Variants in MRPL21 observed in about 807,000 individuals in gnomAD.
The protein encoded by MRPL21 is mitochondrial ribosomal protein L21.
Under a neutral mutation model 27.3 loss-of-function variants are expected in MRPL21, and 20 were observed. The observed-to-expected ratio is 0.73, with a 90% CI of 0.52 to 1.06. The LOEUF is 1.06. MRPL21 is among the 50% of genes least tolerant of loss of function. The pLI, the probability that MRPL21 is intolerant of heterozygous loss-of-function variation, is 0.00. For synonymous variants in MRPL21, 98 were observed against 101.5 expected (o/e 0.97, Z 0.21); for missense variants, 249 against 251.4 (o/e 0.99, Z 0.06).
At chr11:68,896,758 G>A (rs114582339) in intron 3 of MRPL21, 80 bp from the exon 4 acceptor site, 2 of 1,573,788 alleles carry the variant, frequency 1.3e-6, no homozygotes, top group Non-Finnish European at 8.7e-7. Flanking sequence ...AGCTCCTGGT[G>A]GTGGGGCCCT....
rs192052269 is a variant in MRPL21 at position 68,897,554 on chromosome 11, G to A, written c.232+373C>T. On this transcript the variant is annotated intron_variant, in intron 3 of 6. Transcript: ENST00000362034. Reference sequence around the variant, plus strand: ...TGACACGGGCTCCAGGTCGACATGAGTCCTGATACCTCTGCATGTTTCTCC... The same window carrying A: ...TGACACGGGCTCCAGGTCGACATGAATCCTGATACCTCTGCATGTTTCTCC... 1.4e-4 allele frequency: 35 copies of A among 255,182 alleles called. No individual in the cohort carries two copies. The East Asian group carries it at 2.8e-3, about 20-fold the overall frequency. 15.8% of individuals were successfully genotyped at this position (255,182 alleles called of 1,614,324 possible).
Position 68,897,984 on chromosome 11 carries a change from G to A in MRPL21, c.175C>T (p.Pro59Ser), listed in dbSNP as rs769601533. 3.7e-5 allele frequency: 60 copies of A among 1,614,074 alleles called. No individual in the cohort carries two copies. Among genetic ancestry groups the A allele is most frequent in the Non-Finnish European group, 4.2e-5 (50 of 1,180,022 alleles). Residue 59 changes from proline (P) to serine (S), a missense_variant, in exon 3 of 7, where the codon CCA becomes TCA. By Grantham distance (74) the Pro-to-Ser change is moderately conservative. Transcript: ENST00000362034. ...GYVPKTSLSS[P>S]PWPEVVLPDP... ...GGCAGAACAACTTCTGGCCAAGGTG[G>A]TGAACTCAGGGATGTTTTAGGAACA...
At chr11:68,900,636 C>A (rs763356692) in intron 1 of MRPL21, 31 bp from the exon 2 acceptor site, 1 of 1,576,946 alleles carries the variant, frequency 6.3e-7, no homozygotes, top group South Asian at 1.1e-5. Flanking sequence ...CAGATCATTA[C>A]CATTAATACT....
intron 3 of MRPL21, chr11:68,897,598 G>C (rs1486842925): frequency 3.0e-6 from 1 of 333,256 alleles, no homozygotes. Flanking sequence ...GGGTGGCACC[G>C]GCTTCCAGTA....
chr11:68,899,401 G>A (rs145106179), intron 2 of MRPL21, among the ~76,000 whole-genome samples: 8 of 152,304 alleles, frequency 5.3e-5, no homozygotes, highest in East Asian at 3.9e-4. Context: ...AGGCCCACCC[G>A]TCCTGTTGGC....
chr11:68,898,134 C>T (rs897762837), intron 2 of MRPL21, 122 bp from the exon 3 acceptor site: 29 of 789,312 alleles, frequency 3.7e-5, no homozygotes, highest in East Asian at 3.2e-4. Context: ...CTCGCTCTTT[C>T]GGACAGGCCC....
chr11:68,903,458 T>A (rs1247590909), intron 1 of MRPL21, among the ~76,000 whole-genome samples: 1 of 152,226 alleles, frequency 6.6e-6, no homozygotes, highest in Non-Finnish European at 1.5e-5. Flanking sequence ...CTGGGCACGT[T>A]ACCTAGCTCC....
chr11:68,892,758 G>A lies in MRPL21; in HGVS notation c.553+132C>T. The A allele has an allele frequency of 1.9e-6, 3 of 1,540,692 alleles. No homozygotes were observed. In the South Asian group the frequency reaches 3.6e-5, roughly 18 times the overall value. On this transcript the variant is annotated intron_variant, in intron 6 of 6. Coordinates refer to ENST00000362034, the MANE Select transcript of MRPL21 (RefSeq NM_181514.2). ...CCCTCTAGGATGAGGGTGGCAAGTG[G>A]GCAGTGGCAGCCAGGTTGAGACCTG...
Position 68,892,919 on chromosome 11 carries a change from C to G in MRPL21, c.524G>C (p.Arg175Thr). 6.2e-7 allele frequency: 1 copy of G among 1,613,554 alleles called. No individual in the cohort carries two copies. The highest frequency in any genetic ancestry group is 1.3e-5 in the African/African-American group (1 of 75,054). ...ESWPRIIMRFRKRKNFKKKRI... is the reference protein window; with the variant it reads ...ESWPRIIMRFTKRKNFKKKRI... ...TTTCTTCTTGAAGTTTTTCCTTTTC[C>G]TGAATCTCATAATGATTCTTGGCCA... Residue 175 changes from arginine to threonine, a missense_variant, in exon 6 of 7, where the codon AGG becomes ACG. Transcript: ENST00000362034.
rs577221033 is a variant in MRPL21 at position 68,897,298 on chromosome 11, G to A, written c.233-620C>T. ...AGCATTTAATGGGCACCGACCCCCCGGCCTGACCGAGGGCGAGACACACAG... is the reference window on the plus strand; with the variant it reads ...AGCATTTAATGGGCACCGACCCCCCAGCCTGACCGAGGGCGAGACACACAG... On this transcript the variant is annotated intron_variant, in intron 3 of 6. Transcript: ENST00000362034. 2.2e-3 allele frequency among the ~76,000 whole-genome samples: 337 copies of A among 152,234 alleles called. 2 individuals are homozygous for A. The highest frequency in any genetic ancestry group is 7.7e-3 in the African/African-American group (318 of 41,542).
intron 5 of MRPL21, among the ~76,000 whole-genome samples, 176 bp from the exon 6 acceptor site, chr11:68,893,169 A>C (rs1160616440): frequency 1.3e-5 from 2 of 152,256 alleles, no homozygotes; most frequent in African/African-American, 4.8e-5. Flanking sequence ...AGTTCCAGGG[A>C]GTCTGAACAA....
intron 6 of MRPL21, chr11:68,891,939 G>A: frequency 1.0e-5 from 6 of 598,174 alleles, no homozygotes; most frequent in Non-Finnish European, 1.6e-5. Flanking sequence ...CCCACTATGG[G>A]GGATGTCCTC....
chr11:68,895,606 C>T (rs576011186), intron 4 of MRPL21, among the ~76,000 whole-genome samples: 13 of 152,152 alleles, frequency 8.5e-5, no homozygotes, highest in South Asian at 4.2e-4. Flanking sequence ...GCCAAGACTG[C>T]GCCATTGCAC....
In MRPL21 at chr11:68,892,783, G is replaced by A. The variant is rs759867573; in HGVS notation, c.553+107C>T. On this transcript the variant is annotated intron_variant, in intron 6 of 6. Coordinates refer to ENST00000362034, the MANE Select transcript of MRPL21 (RefSeq NM_181514.2). ...GGCAGTGGCAGCCAGGTTGAGACCT[G>A]CCTGGGCTTCCTGTCCCGAGACCCA... The A allele has an allele frequency of 1.7e-5, 27 of 1,547,998 alleles. No individual in the cohort carries two copies. In the Admixed American group the frequency reaches 4.9e-4, roughly 28 times the overall value.
At chr11:68,898,671 C>T (rs563511557) in intron 2 of MRPL21, among the ~76,000 whole-genome samples, 2 of 152,214 alleles carry the variant, frequency 1.3e-5, no homozygotes, top group African/African-American at 2.4e-5. Flanking sequence ...TGTTCACAGC[C>T]GGTCCCAGCA....
At chr11:68,902,799 T>C (rs948921559) in intron 1 of MRPL21, among the ~76,000 whole-genome samples, 4 of 152,160 alleles carry the variant, frequency 2.6e-5, no homozygotes, top group Non-Finnish European at 5.9e-5. Context: ...GCTCCACCTA[T>C]TTATCCTTTT....
intron 6 of MRPL21, chr11:68,891,944 G>A (rs1857655680): frequency 3.3e-6 from 2 of 614,164 alleles, no homozygotes; most frequent in Non-Finnish European, 2.5e-6. Flanking sequence ...TATGGGGGAT[G>A]TCCTCAGTGC....
chr11:68,895,321 T>C lies in MRPL21; in HGVS notation c.396+1194A>G, dbSNP rs548127122. On this transcript the variant is annotated intron_variant, in intron 4 of 6. Transcript: ENST00000362034. ...AAATCAAATAGACGCCCCCAGCAAATAGAATCATAGCTGAAGGCTAGAAAT... is the reference window on the plus strand; with the variant it reads ...AAATCAAATAGACGCCCCCAGCAAACAGAATCATAGCTGAAGGCTAGAAAT... Among the ~76,000 whole-genome samples the C allele has an allele frequency of 2.6e-5, 4 of 151,156 alleles. No homozygotes were observed. The South Asian group carries it at 6.3e-4, about 24-fold the overall frequency.
rs1857802233 is a variant in MRPL21 at position 68,896,756 on chromosome 11, G to C, written c.233-78C>G. 3 of 1,577,400 alleles carry C rather than the reference G, an allele frequency of 1.9e-6. No individual in the cohort carries two copies. In the African/African-American group the frequency reaches 4.0e-5, roughly 21 times the overall value. Reference sequence around the variant, plus strand: ...GCTGCAGTGTGATGTGCAGCTCCTGGTGGTGGGGCCCTAGGGTGGACCTGA... The same window carrying C: ...GCTGCAGTGTGATGTGCAGCTCCTGCTGGTGGGGCCCTAGGGTGGACCTGA... On this transcript the variant is annotated intron_variant, in intron 3 of 6. Transcript: ENST00000362034.
Sources: gnomAD v4.1 joint callset for allele counts (sites outside exome capture counted in the v4.1 genomes callset) on GRCh38, gnomAD v4.1.1 for gene constraint, MANE v1.5 for transcripts, NCBI Gene and HGNC (gene_info 2026-07-23, HGNC 2026-07-21) for gene names.